PREPL: variants seen among roughly 807,000 people sequenced by gnomAD.
PREPL encodes prolyl endopeptidase-like.
A neutral mutation model predicts 70.6 loss-of-function variants in PREPL; 77 were observed. The ratio of observed to expected loss-of-function variants is 1.09; its 90% CI spans 0.91 to 1.32. PREPL has a LOEUF of 1.32. Among genes scored for constraint, PREPL ranks in the 40% most tolerant of loss-of-function variants. The probability of loss-of-function intolerance (pLI) is 0.00; values close to 1 mark genes in which losing one functional copy is unlikely to be tolerated. For missense variants in PREPL, 1,002 were observed against 778.2 expected (o/e 1.29, Z -3.42); for synonymous variants, 315 against 264.8 (o/e 1.19, Z -1.84).
chr2:44,342,875 T>C (rs1016719903), intron 4 of PREPL, among the ~76,000 whole-genome samples: 1 of 152,220 alleles, frequency 6.6e-6, no homozygotes, highest in African/African-American at 2.4e-5. Flanking sequence ...GAATTCCGTC[T>C]CAATCTACAA....
intron 1 of PREPL, among the ~76,000 whole-genome samples, chr2:44,357,434 T>C (rs1677167835): frequency 6.6e-6 from 1 of 152,216 alleles, no homozygotes; most frequent in Admixed American, 6.5e-5. Flanking sequence ...CAGGTCTCAG[T>C]GATAAAGACC....
At chr2:44,359,396 T>G (rs888980639) in intron 1 of PREPL, 5 of 943,378 alleles carry the variant, frequency 5.3e-6, no homozygotes, top group Non-Finnish European at 8.0e-6. Flanking sequence ...AAGTTAGAAT[T>G]ACTGAGAAAA....
At chr2:44,349,534 G>C (rs1010137388) in intron 1 of PREPL, among the ~76,000 whole-genome samples, 2 of 152,102 alleles carry the variant, frequency 1.3e-5, no homozygotes, top group African/African-American at 4.8e-5. Flanking sequence ...AAAAGAGTAA[G>C]TCTTAAGGAA....
At position 44,320,291 on chromosome 2, in the gene PREPL, T is replaced by C. The variant is rs1044245041; in HGVS notation, c.*1065A>G. 27 of 1,613,976 alleles carry C rather than the reference T, an allele frequency of 1.7e-5. No homozygotes were observed. The highest frequency in any genetic ancestry group is 2.1e-5 in the Non-Finnish European group (25 of 1,179,960). On this transcript the variant is annotated 3_prime_UTR_variant, in exon 14 of 14. Transcript: ENST00000409411. ...AGCTACTCCTCAACAGGGGCTGGTTTTGCCATTTGAGGAATGACAGCCACT... is the reference window on the plus strand; with the variant it reads ...AGCTACTCCTCAACAGGGGCTGGTTCTGCCATTTGAGGAATGACAGCCACT...
Position 44,323,416 on chromosome 2 carries a change from A to G in PREPL, c.1480-5T>C, listed in dbSNP as rs1673178347. ...GAGAACATCCAAGAAAGGTGCCTAA[A>G]AAAAAGGCAAAGAAACTTATACTTC... On this transcript the variant is annotated splice_region_variant and splice_polypyrimidine_tract_variant and intron_variant, in intron 10 of 13. Transcript: ENST00000409411. 4.4e-6 allele frequency: 7 copies of G among 1,573,050 alleles called. No individual in the cohort carries two copies. Among genetic ancestry groups the G allele is most frequent in the Non-Finnish European group, 6.0e-6 (7 of 1,162,122 alleles).
In PREPL at chr2:44,318,239, C is replaced by T. The variant is rs1054619523; in HGVS notation, c.*3117G>A. 4.2e-5 allele frequency: 14 copies of T among 333,152 alleles called. No homozygotes were observed. The highest frequency in any genetic ancestry group is 1.1e-4 in the South Asian group (5 of 46,386). The allele number at this position is 333,152 out of a possible 1,614,324, so 20.6% of individuals were successfully genotyped here. A position where few individuals can be genotyped will look rare whatever the true frequency, so the allele number is the denominator to read the frequency against. The stretch of plus-strand genomic sequence containing the variant: ...CCAAGTAGCTGGGATTACAGGTGCA[C>T]GTCATTATGCCCGGGTAATTTCTGT... On this transcript the variant is annotated 3_prime_UTR_variant, in exon 14 of 14. Coordinates refer to ENST00000409411, the MANE Select transcript of PREPL (RefSeq NM_001171613.2).
intron 11 of PREPL, 129 bp from the exon 12 acceptor site, chr2:44,322,983 C>T: frequency 1.6e-6 from 2 of 1,270,598 alleles, no homozygotes; most frequent in Non-Finnish European, 2.2e-6. Flanking sequence ...CACTTGCTAT[C>T]TTGAGAGCGC....
At chr2:44,321,578 AG>A in intron 13 of PREPL, 133 bp from the exon 14 acceptor site, 1 of 1,494,232 alleles carries the variant, frequency 6.7e-7, no homozygotes, top group South Asian at 1.4e-5. Context: ...CTTTCATTCG[AG>A]AGAGAGGCAG....
chr2:44,339,662 T>G (rs1360975018), intron 5 of PREPL, among the ~76,000 whole-genome samples: 3 of 152,204 alleles, frequency 2.0e-5, no homozygotes, highest in Non-Finnish European at 4.4e-5. Flanking sequence ...TTTTGCTACA[T>G]TTACTTTATT....
At chr2:44,352,446 G>A (rs1051115542) in intron 1 of PREPL, among the ~76,000 whole-genome samples, 1 of 152,094 alleles carries the variant, frequency 6.6e-6, no homozygotes, top group African/African-American at 2.4e-5. Flanking sequence ...ATTGTTTGTA[G>A]AGACAGGGTT....
chr2:44,325,211 G>T (rs1291395629), intron 10 of PREPL, among the ~76,000 whole-genome samples: 1 of 152,198 alleles, frequency 6.6e-6, no homozygotes, highest in Non-Finnish European at 1.5e-5. Context: ...TGTGACTTGG[G>T]TCTATCAACC....
intron 10 of PREPL, 60 bp downstream of exon 10, chr2:44,326,652 A>G: frequency 6.5e-7 from 1 of 1,533,454 alleles, no homozygotes; most frequent in East Asian, 2.3e-5. Context: ...TTTTTCTTAG[A>G]GTAGCCTATG....
intron 1 of PREPL, among the ~76,000 whole-genome samples, chr2:44,360,980 G>A (rs1677697430): frequency 6.6e-6 from 1 of 152,254 alleles, no homozygotes; most frequent in Non-Finnish European, 1.5e-5. Flanking sequence ...GCAAAATAAT[G>A]GGCGATTGGG....
intron 1 of PREPL, chr2:44,359,901 A>C: frequency 3.6e-6 from 2 of 558,798 alleles, no homozygotes; most frequent in Non-Finnish European, 3.2e-6. Flanking sequence ...AGGCTAACTA[A>C]ATCTAAAAAC....
In PREPL at chr2:44,326,663, G is replaced by T. The variant is rs767885611; in HGVS notation, c.1479+49C>A. 3 of 1,564,942 alleles carry T rather than the reference G, an allele frequency of 1.9e-6. No individual in the cohort carries two copies. The Admixed American group carries it at 5.0e-5, about 26-fold the overall frequency. On this transcript the variant is annotated intron_variant, in intron 10 of 13. Transcript: ENST00000409411. ...AACATTTTTCTTAGAGTAGCCTATGGCTTCACACCTCCCCCATTCTATAAA... is the reference window on the plus strand; with the variant it reads ...AACATTTTTCTTAGAGTAGCCTATGTCTTCACACCTCCCCCATTCTATAAA...
At chr2:44,322,412 C>T (rs911895745) in intron 12 of PREPL, among the ~76,000 whole-genome samples, 2 of 152,156 alleles carry the variant, frequency 1.3e-5, no homozygotes, top group Non-Finnish European at 2.9e-5. Context: ...CCAAGAATAA[C>T]GGCTCAATAA....
At chr2:44,329,163 T>G (rs1293184123) in intron 8 of PREPL, 51 bp from the exon 9 acceptor site, 4 of 1,424,576 alleles carry the variant, frequency 2.8e-6, no homozygotes, top group South Asian at 2.5e-5. Flanking sequence ...TTATAATAAC[T>G]GTTTTATCCC....
intron 1 of PREPL, chr2:44,359,624 T>G: frequency 6.2e-7 from 1 of 1,611,632 alleles, no homozygotes; most frequent in Non-Finnish European, 8.5e-7. Flanking sequence ...AGCGAAGTTA[T>G]AGTGATTCAA....
intron 13 of PREPL, 126 bp from the exon 14 acceptor site, chr2:44,321,571 T>C: frequency 2.0e-6 from 3 of 1,498,936 alleles, no homozygotes; most frequent in Non-Finnish European, 2.7e-6. Context: ...AAGAATACTT[T>C]CATTCGAGAG....
Sources: allele counts gnomAD v4.1 joint callset (sites outside exome capture counted in the v4.1 genomes callset), GRCh38; gene constraint gnomAD v4.1.1; transcripts MANE v1.5; gene names NCBI Gene and HGNC (gene_info 2026-07-23, HGNC 2026-07-21).